The following SYT17 variants were observed in gnomAD, a reference collection of about 807,000 sequenced individuals.
SYT17 encodes the protein synaptotagmin-17.
Under a neutral mutation model 46.7 loss-of-function variants are expected in SYT17, and 22 were observed. That is an observed-to-expected ratio of 0.47 (90% CI 0.34 to 0.67). The LOEUF is 0.67. SYT17 is among the 30% of genes least tolerant of loss of function. The pLI is 0.01. For missense variants in SYT17, 519 were observed against 612.8 expected (o/e 0.85, Z 1.62); for synonymous variants, 251 against 248.4 (o/e 1.01, Z -0.10).
intron 7 of SYT17, among the ~76,000 whole-genome samples, chr16:19,245,529 G>C (rs1268218295): frequency 2.0e-5 from 3 of 152,172 alleles, no homozygotes; most frequent in Non-Finnish European, 4.4e-5. Context: ...GCACCTGTTT[G>C]AGGCTTGTTT....
intron 5 of SYT17, among the ~76,000 whole-genome samples, chr16:19,202,661 A>G (rs1965511389): frequency 6.6e-6 from 1 of 152,352 alleles, no homozygotes; most frequent in South Asian, 2.1e-4. Flanking sequence ...TCTGAAGACC[A>G]GTCCCATCCA....
chr16:19,181,344 T>C (rs1244912747), intron 4 of SYT17, among the ~76,000 whole-genome samples: 1 of 152,098 alleles, frequency 6.6e-6, no homozygotes, highest in Non-Finnish European at 1.5e-5. Context: ...AAAGTATCTC[T>C]GCTCTGTGTG....
chr16:19,254,478 G>A (rs3826252), intron 7 of SYT17, among the ~76,000 whole-genome samples: 78,890 of 151,922 alleles, frequency 0.52, 21,828 homozygotes, highest in South Asian at 0.64. Context: ...GGGCACTGAC[G>A]GGGGAAGATC....
chr16:19,249,561 TA>T (rs955604788), intron 7 of SYT17, among the ~76,000 whole-genome samples: 3 of 152,242 alleles, frequency 2.0e-5, no homozygotes, highest in African/African-American at 7.2e-5. Flanking sequence ...ACTGCGGGGA[TA>T]TTTTTTAAAA....
At chr16:19,170,542 T>C (rs8060055) in intron 1 of SYT17, 81,635 of 151,892 alleles carry the variant, frequency 0.54, 23,250 homozygotes, top group African/African-American at 0.71. Flanking sequence ...TGCCTGGGAA[T>C]GTCAGGGCAC....
chr16:19,255,396 C>A (rs982826832), intron 7 of SYT17, among the ~76,000 whole-genome samples: 3 of 152,168 alleles, frequency 2.0e-5, no homozygotes, highest in Non-Finnish European at 4.4e-5. Context: ...TGAGCTCTAC[C>A]CGCTAGAGGC....
Position 19,213,862 on chromosome 16 carries a change from G to A in SYT17, c.952-9183G>A, listed in dbSNP as rs541633751. 1.1e-3 allele frequency among the ~76,000 whole-genome samples: 168 copies of A among 152,160 alleles called. 6 individuals are homozygous for A. The South Asian group carries it at 0.03, about 27-fold the overall frequency. ...CTTATACCAAAAGTTCCAAGTCTTC[G>A]GTTCCTGTTAAAATTTTGTTCAGGG... On this transcript the variant is annotated intron_variant, in intron 5 of 7. Coordinates refer to ENST00000355377, the MANE Select transcript of SYT17 (RefSeq NM_016524.4).
chr16:19,250,324 C>G (rs1967953086), intron 7 of SYT17, among the ~76,000 whole-genome samples: 1 of 150,408 alleles, frequency 6.6e-6, no homozygotes, highest in African/African-American at 2.5e-5. Context: ...GGGGCAGACT[C>G]TCGGGGTAAT....
chr16:19,262,362 G>A (rs1218810882), intron 7 of SYT17, among the ~76,000 whole-genome samples: 1 of 152,204 alleles, frequency 6.6e-6, no homozygotes, highest in Non-Finnish European at 1.5e-5. Flanking sequence ...ATGAAGGAGA[G>A]CAAGCCCTCA....
At chr16:19,232,392 C>T (rs549434367) in intron 7 of SYT17, among the ~76,000 whole-genome samples, 41 of 152,220 alleles carry the variant, frequency 2.7e-4, no homozygotes, top group Admixed American at 7.2e-4. Flanking sequence ...ACTCAGGAGG[C>T]CAAGGTGGGC....
At chr16:19,198,465 A>G (rs144753118) in intron 5 of SYT17, among the ~76,000 whole-genome samples, 9 of 152,330 alleles carry the variant, frequency 5.9e-5, no homozygotes, top group Non-Finnish European at 1.3e-4. Context: ...CATTGATAAT[A>G]ATCATTGCTA....
At position 19,237,246 on chromosome 16, in the gene SYT17, A is replaced by G. The variant is rs1966861635; in HGVS notation, c.1228+12408A>G. Among the ~76,000 whole-genome samples, 3 of 152,198 alleles carry G rather than the reference A, an allele frequency of 2.0e-5. No individual in the cohort carries two copies. In the South Asian group the frequency reaches 6.2e-4, roughly 32 times the overall value. ...ACGACATTGATGTTCCTGTGAATCA[A>G]CTGGGGGTCTTGTTAAAATGTGGTT... On this transcript the variant is annotated intron_variant, in intron 7 of 7. Coordinates refer to ENST00000355377, the MANE Select transcript of SYT17 (RefSeq NM_016524.4).
At chr16:19,172,955 C>A in intron 2 of SYT17, 178 bp downstream of exon 2, 1 of 733,262 alleles carries the variant, frequency 1.4e-6, no homozygotes, top group Non-Finnish European at 2.2e-6. Context: ...GAAAAGACAC[C>A]AGTTGACAAG....
chr16:19,256,036 T>C lies in SYT17; in HGVS notation c.1229-10844T>C, dbSNP rs569389493. On this transcript the variant is annotated intron_variant, in intron 7 of 7. Coordinates refer to ENST00000355377, the MANE Select transcript of SYT17 (RefSeq NM_016524.4). ...GGTCAGTCCCCAGGACGATGCATCA[T>C]GCTATCAGTGTGTGCCCTCTAGGCT... Among the ~76,000 whole-genome samples the C allele has an allele frequency of 2.0e-5, 3 of 152,340 alleles. No individual in the cohort carries two copies. The East Asian group carries it at 5.8e-4, about 29-fold the overall frequency.
chr16:19,265,770 G>T (rs1969313054), intron 7 of SYT17, among the ~76,000 whole-genome samples: 1 of 152,222 alleles, frequency 6.6e-6, no homozygotes, highest in Non-Finnish European at 1.5e-5. Context: ...GGCGGAACTT[G>T]GCCGGGAAGA....
chr16:19,208,435 G>A (rs894915050), intron 5 of SYT17, among the ~76,000 whole-genome samples: 1 of 152,180 alleles, frequency 6.6e-6, no homozygotes, highest in Non-Finnish European at 1.5e-5. Context: ...TGAAGGGGAA[G>A]CAAAGCACGG....
At chr16:19,222,921 C>T (rs574650212) in intron 5 of SYT17, 124 bp from the exon 6 acceptor site, 21 of 1,257,266 alleles carry the variant, frequency 1.7e-5, no homozygotes, top group Non-Finnish European at 2.2e-5. Context: ...CACAGAGGCT[C>T]CCACTGTCAA....
At chr16:19,176,755 A>G (rs1160157527) in intron 3 of SYT17, among the ~76,000 whole-genome samples, 1 of 152,162 alleles carries the variant, frequency 6.6e-6, no homozygotes, top group Non-Finnish European at 1.5e-5. Flanking sequence ...GACCTCAAGC[A>G]GTCCTCCCAC....
chr16:19,242,600 CT>C (rs1406731281), intron 7 of SYT17, among the ~76,000 whole-genome samples: 2 of 152,166 alleles, frequency 1.3e-5, no homozygotes, highest in Non-Finnish European at 2.9e-5. Context: ...TCTCAGCTCA[CT>C]GCAGCCTCGA....
Sources: gnomAD v4.1 joint callset for allele counts (sites outside exome capture counted in the v4.1 genomes callset) on GRCh38, gnomAD v4.1.1 for gene constraint, MANE v1.5 for transcripts, NCBI Gene and HGNC (gene_info 2026-07-23, HGNC 2026-07-21) for gene names.